Variants in SUGP1 observed in about 807,000 individuals in gnomAD.
SUGP1 encodes the protein SURP and G-patch domain containing 1.
Under a neutral mutation model 76.5 loss-of-function variants are expected in SUGP1, and 34 were observed. That is an observed-to-expected ratio of 0.44 (90% confidence interval 0.34 to 0.59). SUGP1 has a LOEUF of 0.59. SUGP1 is among the 20% of genes least tolerant of loss of function. SUGP1 has a pLI of 0.01. For synonymous variants in SUGP1, 326 were observed against 326.2 expected, an observed-to-expected ratio of 1.00 and a Z score of 0.01; for missense variants, 752 against 851.7, an observed-to-expected ratio of 0.88 and a Z score of 1.46.
At chr19:19,288,611 C>T (rs952281872) in intron 8 of SUGP1, among the ~76,000 whole-genome samples, 2 of 151,940 alleles carry the variant, frequency 1.3e-5, no homozygotes, top group African/African-American at 4.8e-5. Flanking sequence ...AAGAATTAGC[C>T]AGGCGTGCTG....
Position 19,278,712 on chromosome 19 carries a change from A to G in SUGP1, c.1613T>C (p.Met538Thr). ...FLPPDELEKF[M>T]ETFKALKEGR... ...CACCTTCAGGGCCTTGAAGGTCTCC[A>G]TAAACTTTTCCAGCTCGTCTGGAGG... Residue 538 changes from methionine to threonine, a missense_variant, in exon 11 of 14, where the codon ATG (methionine) becomes ACG (threonine). Met to Thr is a moderately conservative substitution (Grantham distance 81). Around this residue, in one of 2 missense-constraint regions of SUGP1, gnomAD observed 132 missense variants for 234.4 expected, o/e 0.56. Coordinates refer to ENST00000247001, the MANE Select transcript of SUGP1 (RefSeq NM_172231.4). 2 of 1,613,706 alleles carry G rather than the reference A, an allele frequency of 1.2e-6. No individual in the cohort carries two copies. Among genetic ancestry groups the G allele is most frequent in the Non-Finnish European group, 1.7e-6 (2 of 1,179,836 alleles).
rs113530322 is a variant in SUGP1 at position 19,285,637 on chromosome 19, C to A, written c.1244-5346G>T. On this transcript the variant is annotated intron_variant, in intron 8 of 13. Transcript: ENST00000247001. ...CTGGAGTGCAATGGCGTGAACATGG[C>A]TCACTGCAGCCTCAATCTCCCAGGC... Among the ~76,000 whole-genome samples, 871 of 152,250 alleles carry A rather than the reference C, an allele frequency of 5.7e-3. 6 individuals are homozygous for A. Among genetic ancestry groups the A allele is most frequent in the African/African-American group, 0.02 (832 of 41,536 alleles).
chr19:19,304,006 C>G, intron 4 of SUGP1, 159 bp from the exon 5 acceptor site: 1 of 1,591,564 alleles, frequency 6.3e-7, no homozygotes, highest in Non-Finnish European at 8.5e-7. Flanking sequence ...AACACCATGA[C>G]GAGGGGGGAG....
At chr19:19,313,152 G>A (rs1468315907) in intron 2 of SUGP1, among the ~76,000 whole-genome samples, 1 of 152,020 alleles carries the variant, frequency 6.6e-6, no homozygotes. Flanking sequence ...CCAGCACTTC[G>A]GTAGGCCAAA....
chr19:19,319,748 G>T (rs1022553487), intron 1 of SUGP1, among the ~76,000 whole-genome samples: 1 of 149,618 alleles, frequency 6.7e-6, no homozygotes, highest in Non-Finnish European at 1.5e-5. Flanking sequence ...GAAAGAAAAG[G>T]TCTTTCCTGA....
At chr19:19,320,370 C>T (rs1599879066) in intron 1 of SUGP1, 93 bp downstream of exon 1, 1 of 1,368,026 alleles carries the variant, frequency 7.3e-7, no homozygotes, top group Non-Finnish European at 9.9e-7. Flanking sequence ...GCGAGGGATC[C>T]ACGGGTCGCA....
chr19:19,320,033 A>C (rs1036636160), intron 1 of SUGP1, among the ~76,000 whole-genome samples: 16 of 152,218 alleles, frequency 1.1e-4, no homozygotes, highest in Admixed American at 1.0e-3. Context: ...GAGGGTCAAA[A>C]GACGCGGGAA....
Position 19,320,474 on chromosome 19 carries a change from C to T in SUGP1, c.23G>A (p.Arg8Gln), listed in dbSNP as rs768057590. The part of the protein sequence containing the change: MSLKMDN[R>Q]DVAGKANRWF... ...GCGGGGGCTGTTACCTGCAACATCC[C>T]GGTTGTCCATCTTGAGACTCATCCA... is the stretch of plus-strand genomic sequence containing the variant. Residue 8 changes from arginine (R) to glutamine (Q), a missense_variant, in exon 1 of 14, where the codon CGG becomes CAG. By Grantham distance (43) the Arg-to-Gln change is conservative. Transcript: ENST00000247001. The T allele has an allele frequency of 1.2e-6, 2 of 1,610,242 alleles. No homozygotes were observed. Among genetic ancestry groups the T allele is most frequent in the East Asian group, 2.2e-5 (1 of 44,680 alleles).
chr19:19,303,821 G>T lies in SUGP1; in HGVS notation c.565C>A (p.Arg189=). Residue 189 remains arginine, a synonymous_variant, in exon 5 of 14, where the codon CGG becomes AGG. Coordinates refer to ENST00000247001, the MANE Select transcript of SUGP1 (RefSeq NM_172231.4). The part of the protein sequence containing the change: ...KVSPPEGAET[R]KVIEKLARFV... Reference sequence around the variant, plus strand: ...CGGGCCAATTTCTCTATCACTTTCCGAGTCTCGGCTCCCTCTGGGGGTGAA... The same window carrying T: ...CGGGCCAATTTCTCTATCACTTTCCTAGTCTCGGCTCCCTCTGGGGGTGAA... The T allele has an allele frequency of 6.2e-7, 1 of 1,614,116 alleles. No homozygotes were observed. Among genetic ancestry groups the T allele is most frequent in the Non-Finnish European group, 8.5e-7 (1 of 1,180,030 alleles).
In SUGP1 at chr19:19,291,889, T is replaced by TCACACACACACA. The variant is rs541521385; in HGVS notation, c.1243+5088_1243+5099dup. ...GCCTGGGTGACAGAGTGAGACTCTG[T>TCACACACACACA]CACACACACACACACACACACACAC... is the stretch of plus-strand genomic sequence containing the variant. On this transcript the variant is annotated intron_variant, in intron 8 of 13. Coordinates refer to ENST00000247001, the MANE Select transcript of SUGP1 (RefSeq NM_172231.4). Among the ~76,000 whole-genome samples the TCACACACACACA allele has an allele frequency of 3.8e-3, 486 of 128,690 alleles. 3 individuals carry two copies. The highest frequency in any genetic ancestry group is 5.1e-3 in the Admixed American group (62 of 12,164). 84.4% of individuals were successfully genotyped at this position (128,690 alleles called of 152,430 possible).
Position 19,297,146 on chromosome 19 carries a change from A to T in SUGP1, c.1086T>A (p.Thr362=), listed in dbSNP as rs976105589. Residue 362 remains threonine (T), a synonymous_variant, in exon 8 of 14, where the codon ACT becomes ACA. Coordinates refer to ENST00000247001, the MANE Select transcript of SUGP1 (RefSeq NM_172231.4). The part of the protein sequence containing the change: ...TCPASSTPAP[T]IIPAPAAPGK... The stretch of plus-strand genomic sequence containing the variant: ...CGGGGGCAGCTGGAGCAGGGATGAT[A>T]GTGGGCGCAGGCGTGGACGAGGCGG... 6 of 1,613,758 alleles carry T rather than the reference A, an allele frequency of 3.7e-6. No homozygotes were observed. Among genetic ancestry groups the T allele is most frequent in the African/African-American group, 1.3e-5 (1 of 74,982 alleles).
rs185520344 is a variant in SUGP1 at position 19,301,857 on chromosome 19, G to A, written c.887+408C>T. On this transcript the variant is annotated intron_variant, in intron 7 of 13. Coordinates refer to ENST00000247001, the MANE Select transcript of SUGP1 (RefSeq NM_172231.4). Reference sequence around the variant, plus strand: ...CAGATCCTAAAGTTCCCCATTCCCTGCCATTTCCCTCATCATAAAGGGGAG... The same window carrying A: ...CAGATCCTAAAGTTCCCCATTCCCTACCATTTCCCTCATCATAAAGGGGAG... 1.1e-3 allele frequency: 190 copies of A among 166,974 alleles called. 4 individuals carry two copies. Among genetic ancestry groups the A allele is most frequent in the Admixed American group, 8.2e-3 (140 of 17,172 alleles). The allele number at this position is 166,974 out of a possible 1,614,324, so 10.3% of individuals were successfully genotyped here.
intron 1 of SUGP1, among the ~76,000 whole-genome samples, chr19:19,319,706 C>CAAAAAAA (rs570232030): frequency 1.2e-4 from 8 of 69,256 alleles, no homozygotes; most frequent in Non-Finnish European, 1.5e-4. Context: ...GACCCTGTCT[C>CAAAAAAA]AAAAAAAAAA....
At chr19:19,289,635 C>A (rs1820788634) in intron 8 of SUGP1, among the ~76,000 whole-genome samples, 1 of 152,056 alleles carries the variant, frequency 6.6e-6, no homozygotes, top group South Asian at 2.1e-4. Flanking sequence ...GTAGTCCCAG[C>A]TACTCGGGAG....
intron 8 of SUGP1, 28 bp downstream of exon 8, chr19:19,296,961 C>G: frequency 6.6e-7 from 1 of 1,524,844 alleles, no homozygotes; most frequent in Non-Finnish European, 8.9e-7. Context: ...ACCCTTCCAA[C>G]ACAGGGAGGG....
At chr19:19,288,968 T>G (rs1021367925) in intron 8 of SUGP1, among the ~76,000 whole-genome samples, 3 of 151,812 alleles carry the variant, frequency 2.0e-5, no homozygotes, top group African/African-American at 7.2e-5. Context: ...GTATTTTTAG[T>G]AGAGACAGAG....
intron 8 of SUGP1, among the ~76,000 whole-genome samples, chr19:19,292,975 C>T (rs943303825): frequency 1.3e-5 from 2 of 151,944 alleles, no homozygotes; most frequent in Non-Finnish European, 2.9e-5. Flanking sequence ...TGCTCAATCT[C>T]GGCTCACTGC....
intron 8 of SUGP1, among the ~76,000 whole-genome samples, chr19:19,283,451 T>TC (rs1264587914): frequency 1.4e-5 from 2 of 139,210 alleles, no homozygotes; most frequent in African/African-American, 5.7e-5. Context: ...TTTTTTTTTT[T>TC]CCTTCTTTTT....
At chr19:19,296,884 T>A in intron 8 of SUGP1, 105 bp downstream of exon 8, 2 of 1,038,284 alleles carry the variant, frequency 1.9e-6, no homozygotes, top group East Asian at 2.6e-5. Context: ...ACAGAAGGAA[T>A]GAAATTCTGA....
Sources: allele counts gnomAD v4.1 joint callset (sites outside exome capture counted in the v4.1 genomes callset), GRCh38; gene constraint gnomAD v4.1.1; regional missense constraint gnomAD v4.1.1; transcripts MANE v1.5; gene names NCBI Gene and HGNC (gene_info 2026-07-23, HGNC 2026-07-21).